Variants in SCN3A observed in about 807,000 individuals in gnomAD.
The protein encoded by SCN3A is sodium voltage-gated channel alpha subunit 3, also known as sodium channel protein type 3 subunit alpha.
In SCN3A, 60 loss-of-function variants were observed where a neutral mutation model predicts 187.6. The observed-to-expected ratio is 0.32, with a 90% CI of 0.26 to 0.40. The LOEUF is 0.40. Among genes scored for constraint, SCN3A ranks in the 10% least tolerant of loss-of-function variants. The pLI is 1.00. For synonymous variants in SCN3A, 788 were observed against 829.2 expected (o/e 0.95, Z 0.85); for missense variants, 1,601 against 2,428.2 (o/e 0.66, Z 7.16).
rs1691487020 is a variant in SCN3A at position 165,189,965 on chromosome 2, A to G, written c.-247-3218T>C. On this transcript the variant is annotated intron_variant, in intron 1 of 27. Transcript: ENST00000283254. ...GTAGGCTGTAAAATTCTGGCTGTTCAGCATTTTGCACAAGAACAGAAGCAG... is the reference window on the plus strand; with the variant it reads ...GTAGGCTGTAAAATTCTGGCTGTTCGGCATTTTGCACAAGAACAGAAGCAG... Among the ~76,000 whole-genome samples, 4 of 152,222 alleles carry G rather than the reference A, an allele frequency of 2.6e-5. No individual in the cohort carries two copies. The South Asian group carries it at 8.3e-4, about 32-fold the overall frequency.
At position 165,174,480 on chromosome 2, in the gene SCN3A, G is replaced by A. The variant is rs950999778; in HGVS notation, c.264+1651C>T. ...AAATGCTTTCAGTGCTACTACTAAA[G>A]TTCTGTCTCCCTTGGAAAATAGTAA... On this transcript the variant is annotated intron_variant, in intron 3 of 27. Coordinates refer to ENST00000283254, the MANE Select transcript of SCN3A (RefSeq NM_006922.4). Among the ~76,000 whole-genome samples the A allele has an allele frequency of 2.6e-5, 4 of 152,166 alleles. No homozygotes were observed. The East Asian group carries it at 7.7e-4, about 29-fold the overall frequency.
At chr2:165,133,553 A>G (rs1446877991) in intron 15 of SCN3A, among the ~76,000 whole-genome samples, 3 of 151,580 alleles carry the variant, frequency 2.0e-5, no homozygotes, top group Non-Finnish European at 1.5e-5. Context: ...CACGTTGGCC[A>G]GGCCAGTTTC....
chr2:165,128,358 G>T (rs1687119478), intron 17 of SCN3A, among the ~76,000 whole-genome samples: 1 of 151,930 alleles, frequency 6.6e-6, no homozygotes, highest in African/African-American at 2.4e-5. Flanking sequence ...GAGCTTCTAA[G>T]ATTTAAATGG....
chr2:165,167,146 T>A (rs866958598), intron 5 of SCN3A, among the ~76,000 whole-genome samples: 1 of 152,142 alleles, frequency 6.6e-6, no homozygotes, highest in South Asian at 2.1e-4. Flanking sequence ...TCTTTAACTA[T>A]CTTTTAATAA....
At chr2:165,125,266 C>T (rs1285733230) in intron 18 of SCN3A, among the ~76,000 whole-genome samples, 1 of 152,086 alleles carries the variant, frequency 6.6e-6, no homozygotes, top group Non-Finnish European at 1.5e-5. Flanking sequence ...TTCTTGCTCT[C>T]CTCAATACCT....
chr2:165,153,337 AAGAAGAAAATTT>A (rs1321726464), intron 11 of SCN3A, among the ~76,000 whole-genome samples: 1 of 151,758 alleles, frequency 6.6e-6, no homozygotes, highest in Non-Finnish European at 1.5e-5. Context: ...AAACTAACTT[AAGAAGAAAATTT>A]AGAAGAAAAT....
chr2:165,101,437 G>T (rs567580205), intron 21 of SCN3A, among the ~76,000 whole-genome samples: 2 of 152,070 alleles, frequency 1.3e-5, no homozygotes, highest in South Asian at 4.2e-4. Context: ...AAGTTAGAGC[G>T]CCACCCCCAC....
At chr2:165,184,593 C>A (rs1488150262) in intron 2 of SCN3A, among the ~76,000 whole-genome samples, 1 of 150,970 alleles carries the variant, frequency 6.6e-6, no homozygotes, top group African/African-American at 2.4e-5. Flanking sequence ...AGCTACCTTA[C>A]TGGGAGGTTA....
rs1420841769 is a variant in SCN3A at position 165,139,626 on chromosome 2, A to G, written c.2020-18T>C. The G allele has an allele frequency of 9.3e-6, 15 of 1,613,618 alleles. No individual in the cohort carries two copies. Among genetic ancestry groups the G allele is most frequent in the Non-Finnish European group, 1.3e-5 (15 of 1,179,712 alleles). ...GTGGTGCCCTGCAAACCAAATACTG[A>G]TGGCTCAAACCACTCTTCCCAATAA... On this transcript the variant is annotated intron_variant, in intron 13 of 27. Coordinates refer to ENST00000283254, the MANE Select transcript of SCN3A (RefSeq NM_006922.4).
intron 12 of SCN3A, among the ~76,000 whole-genome samples, chr2:165,141,552 G>A (rs1688015200): frequency 6.6e-6 from 1 of 152,134 alleles, no homozygotes; most frequent in Admixed American, 6.5e-5. Flanking sequence ...AATTCTGAAA[G>A]AAAAGTAGTT....
chr2:165,170,387 A>T (rs1690028147), intron 4 of SCN3A, 43 bp downstream of exon 4: 2 of 1,104,344 alleles, frequency 1.8e-6, no homozygotes, highest in East Asian at 4.8e-5. Context: ...TTTAAAATCA[A>T]CTGTTAGAAA....
At chr2:165,188,731 G>C (rs1691394428) in intron 1 of SCN3A, among the ~76,000 whole-genome samples, 1 of 150,878 alleles carries the variant, frequency 6.6e-6, no homozygotes. Flanking sequence ...GGGAGGCAGA[G>C]GTTGCAGTGA....
intron 21 of SCN3A, among the ~76,000 whole-genome samples, chr2:165,111,656 G>A (rs771845279): frequency 6.6e-6 from 1 of 152,102 alleles, no homozygotes; most frequent in Non-Finnish European, 1.5e-5. Flanking sequence ...AAGAAGCTGT[G>A]TTATCTCCAA....
chr2:165,158,621 T>C (rs1392486064), intron 9 of SCN3A, among the ~76,000 whole-genome samples: 1 of 138,044 alleles, frequency 7.2e-6, no homozygotes, highest in African/African-American at 2.9e-5. Context: ...TGTTGCTTTG[T>C]GTTTTCTAGA....
At chr2:165,091,588 T>G (rs1484278315) in intron 27 of SCN3A, among the ~76,000 whole-genome samples, 2 of 152,168 alleles carry the variant, frequency 1.3e-5, no homozygotes, top group Non-Finnish European at 2.9e-5. Flanking sequence ...AGCATGGCAA[T>G]TTAAGATTAT....
chr2:165,158,194 A>C (rs1183221167), intron 9 of SCN3A, among the ~76,000 whole-genome samples: 1 of 93,408 alleles, frequency 1.1e-5, no homozygotes, highest in African/African-American at 5.9e-5. Flanking sequence ...TGGTTTCAGG[A>C]TTGTTAATCT....
chr2:165,163,976 G>T, intron 6 of SCN3A: 1 of 1,262,428 alleles, frequency 7.9e-7, no homozygotes, highest in Non-Finnish European at 1.1e-6. Context: ...GGCACATAGA[G>T]CCCTGTGAGT....
chr2:165,167,356 A>G (rs1689833347), intron 5 of SCN3A, among the ~76,000 whole-genome samples: 1 of 147,414 alleles, frequency 6.8e-6, no homozygotes, highest in Non-Finnish European at 1.5e-5. Flanking sequence ...TCTAGGCAGC[A>G]TTTTGAAGCT....
intron 9 of SCN3A, among the ~76,000 whole-genome samples, chr2:165,157,084 G>A (rs539634620): frequency 1.3e-5 from 2 of 151,948 alleles, no homozygotes; most frequent in African/African-American, 2.4e-5. Flanking sequence ...CTAATTTTTT[G>A]TATTTTTAGT....
Sources: allele counts gnomAD v4.1 joint callset (sites outside exome capture counted in the v4.1 genomes callset), GRCh38; gene constraint gnomAD v4.1.1; transcripts MANE v1.5; gene names NCBI Gene and HGNC (gene_info 2026-07-23, HGNC 2026-07-21).